The following ADAMTSL1 variants were observed in gnomAD, a reference collection of about 807,000 sequenced individuals.
The protein encoded by ADAMTSL1 is ADAMTS like 1.
In ADAMTSL1, 126 loss-of-function variants were observed where a neutral mutation model predicts 201.8. That is an observed-to-expected ratio of 0.62 (90% CI 0.54 to 0.72). ADAMTSL1 has a LOEUF of 0.72. Ranked by LOEUF, ADAMTSL1 falls within the 30% of genes least tolerant of loss-of-function variation. The pLI is 0.00. For missense variants in ADAMTSL1, 2,679 were observed against 2,277.8 expected, an observed-to-expected ratio of 1.18 and a Z score of -3.59; for synonymous variants, 1,121 against 903.4, an observed-to-expected ratio of 1.24 and a Z score of -4.32.
intron 14 of ADAMTSL1, among the ~76,000 whole-genome samples, chr9:18,717,446 T>C (rs968543086): frequency 2.6e-5 from 4 of 152,136 alleles, no homozygotes; most frequent in African/African-American, 9.6e-5. Flanking sequence ...TATATAGCTG[T>C]ATTAATTAGA....
chr9:18,395,508 T>C (rs1318408867), intron 2 of ADAMTSL1, among the ~76,000 whole-genome samples: 1 of 152,186 alleles, frequency 6.6e-6, no homozygotes, highest in Non-Finnish European at 1.5e-5. Context: ...GCCTTGAGGA[T>C]TTGCACTTTG....
chr9:18,012,697 G>T (rs1429317822), intron 1 of ADAMTSL1, among the ~76,000 whole-genome samples: 1 of 152,044 alleles, frequency 6.6e-6, no homozygotes, highest in African/African-American at 2.4e-5. Flanking sequence ...TGAGGTGTGG[G>T]CTTCTCCCAG....
At chr9:18,054,897 T>C (rs1822106744) in intron 1 of ADAMTSL1, among the ~76,000 whole-genome samples, 1 of 152,230 alleles carries the variant, frequency 6.6e-6, no homozygotes, top group Non-Finnish European at 1.5e-5. Context: ...AATCTTTTTG[T>C]AGAAGTAGTA....
intron 4 of ADAMTSL1, among the ~76,000 whole-genome samples, chr9:18,610,789 C>A (rs1470182342): frequency 1.3e-5 from 2 of 152,196 alleles, no homozygotes; most frequent in East Asian, 3.9e-4. Context: ...TCCTCTCTAA[C>A]GTTGACACAC....
At chr9:18,114,744 G>A (rs1329536710) in intron 1 of ADAMTSL1, among the ~76,000 whole-genome samples, 1 of 152,182 alleles carries the variant, frequency 6.6e-6, no homozygotes, top group African/African-American at 2.4e-5. Context: ...ACATGTGGGA[G>A]AAAGTTCTCA....
intron 14 of ADAMTSL1, among the ~76,000 whole-genome samples, chr9:18,714,050 A>G (rs1832767309): frequency 2.0e-5 from 3 of 152,044 alleles, no homozygotes; most frequent in African/African-American, 7.2e-5. Flanking sequence ...TTTGAAACCA[A>G]TGAGAACAAA....
rs200360741 is a variant in ADAMTSL1, at chr9:17,908,888, C to A, written c.87+1966C>A. Among the ~76,000 whole-genome samples the A allele has an allele frequency of 6.5e-4, 99 of 151,766 alleles. 1 individual carries two copies. Among genetic ancestry groups the A allele is most frequent in the African/African-American group, 2.0e-3 (83 of 41,382 alleles). On this transcript the variant is annotated intron_variant, in intron 1 of 29. Coordinates refer to the ADAMTSL1 transcript ENST00000680146. Reference sequence around the variant, plus strand: ...ATTTCTAGTTCTAGGTCCCTGAGGACTCGCCACACTGACTTCCACAATGGT... The same window carrying A: ...ATTTCTAGTTCTAGGTCCCTGAGGAATCGCCACACTGACTTCCACAATGGT...
chr9:18,049,539 C>T (rs897620749), intron 1 of ADAMTSL1, among the ~76,000 whole-genome samples: 14 of 152,094 alleles, frequency 9.2e-5, no homozygotes, highest in African/African-American at 2.9e-4. Context: ...ATGATAAAGC[C>T]ACTTTATGGG....
intron 21 of ADAMTSL1, among the ~76,000 whole-genome samples, chr9:18,823,458 G>A (rs1346096444): frequency 6.6e-6 from 1 of 152,186 alleles, no homozygotes; most frequent in African/African-American, 2.4e-5. Context: ...GGGAATGGAA[G>A]AAGCTTGCAA....
chr9:18,637,586 G>A (rs1005923548), intron 6 of ADAMTSL1, among the ~76,000 whole-genome samples: 2 of 152,140 alleles, frequency 1.3e-5, no homozygotes, highest in Non-Finnish European at 2.9e-5. Flanking sequence ...TTGATGAAAA[G>A]CAAACTGGAA....
intron 1 of ADAMTSL1, among the ~76,000 whole-genome samples, chr9:18,081,269 G>T (rs958391421): frequency 1.3e-5 from 2 of 152,098 alleles, no homozygotes; most frequent in Non-Finnish European, 2.9e-5. Context: ...TAGTGTGTAT[G>T]CTATGTATCC....
At chr9:18,855,514 T>C (rs1232703377) in intron 23 of ADAMTSL1, among the ~76,000 whole-genome samples, 1 of 152,218 alleles carries the variant, frequency 6.6e-6, no homozygotes, top group African/African-American at 2.4e-5. Flanking sequence ...GAGAAAATGA[T>C]GATAACAATA....
intron 23 of ADAMTSL1, among the ~76,000 whole-genome samples, chr9:18,866,928 A>G (rs773312155): frequency 6.6e-6 from 1 of 152,210 alleles, no homozygotes; most frequent in Non-Finnish European, 1.5e-5. Flanking sequence ...CTTGCTGTAC[A>G]TACATGTTCT....
intron 4 of ADAMTSL1, among the ~76,000 whole-genome samples, chr9:18,604,124 A>G (rs1824853046): frequency 6.6e-6 from 1 of 152,206 alleles, no homozygotes. Context: ...CTAACAGCCT[A>G]AAACTTTCCT....
At chr9:18,312,544 A>G (rs190805477) in intron 2 of ADAMTSL1, among the ~76,000 whole-genome samples, 16 of 152,248 alleles carry the variant, frequency 1.1e-4, no homozygotes, top group South Asian at 2.1e-4. Context: ...ACATAACTTC[A>G]CCTGAGGTAG....
At chr9:18,253,971 G>A (rs10511646) in intron 2 of ADAMTSL1, among the ~76,000 whole-genome samples, 1 of 152,040 alleles carries the variant, frequency 6.6e-6, no homozygotes, top group Admixed American at 6.5e-5. Context: ...AAATTTACGT[G>A]CCAATTCACG....
intron 3 of ADAMTSL1, among the ~76,000 whole-genome samples, chr9:18,553,799 A>G (rs1220368882): frequency 6.6e-6 from 1 of 151,868 alleles, no homozygotes; most frequent in East Asian, 1.9e-4. Context: ...TGTCATTCTA[A>G]TTTGTTTTTC....
chr9:18,171,734 T>G (rs377502769), intron 2 of ADAMTSL1, among the ~76,000 whole-genome samples: 7 of 152,262 alleles, frequency 4.6e-5, no homozygotes, highest in African/African-American at 1.4e-4. Context: ...TTTTGGTGTT[T>G]TAGTCATGAA....
chr9:18,794,039 A>AAAT (rs1407675942), intron 19 of ADAMTSL1, among the ~76,000 whole-genome samples: 2 of 151,866 alleles, frequency 1.3e-5, no homozygotes, highest in South Asian at 4.2e-4. Flanking sequence ...AAAAAAAAAA[A>AAAT]GTCTGAAGTA....
Sources: allele counts gnomAD v4.1 joint callset (sites outside exome capture counted in the v4.1 genomes callset), GRCh38; gene constraint gnomAD v4.1.1; transcripts MANE v1.5; gene names NCBI Gene and HGNC (gene_info 2026-07-23, HGNC 2026-07-21).